Variants in MORC4 observed in about 807,000 individuals in gnomAD.
MORC4 encodes MORC family CW-type zinc finger protein 4.
In MORC4, 22 loss-of-function variants were observed where a neutral mutation model predicts 65.5. The observed-to-expected ratio is 0.34, with a 90% confidence interval of 0.24 to 0.48. MORC4 has a LOEUF of 0.48. MORC4 is among the 20% of genes least tolerant of loss of function. The probability of loss-of-function intolerance (pLI) is 0.99; values close to 1 mark genes in which losing one functional copy is unlikely to be tolerated. For synonymous variants in MORC4, 267 were observed against 255.8 expected, an observed-to-expected ratio of 1.04 and a Z score of -0.42; for missense variants, 624 against 703.0, an observed-to-expected ratio of 0.89 and a Z score of 1.27.
rs972640977 is a variant in MORC4 at position 106,946,619 on chromosome X, C to T, written c.1686-3414G>A. Among the ~76,000 whole-genome samples the T allele has an allele frequency of 3.6e-5, 4 of 112,048 alleles. No individual in the cohort carries two copies. In the Admixed American group the frequency reaches 3.8e-4, roughly 11 times the overall value. ...TAGCATACAAGTTTTTATATAGATA[C>T]GTTTTCCGTTTTCTTGGGTATAAAC... On this transcript the variant is annotated intron_variant, in intron 14 of 16. Transcript: ENST00000355610.
intron 14 of MORC4, among the ~76,000 whole-genome samples, chrX:106,943,834 T>G (rs1401276054): frequency 8.9e-6 from 1 of 112,615 alleles, no homozygotes; most frequent in Admixed American, 9.4e-5. Flanking sequence ...TTTCCCCTTG[T>G]GACAAAGAAT....
Position 106,999,907 on chromosome X carries a change from G to C in MORC4, c.63C>G (p.Pro21=), listed in dbSNP as rs1467924392. Residue 21 remains proline, a synonymous_variant, in exon 1 of 17, where the codon CCC becomes CCG. Transcript: ENST00000355610. ...PGAPGCGLAR[P]GGGPQAFGIR... is the part of the protein sequence containing the mutation. ...TCCCGAAGGCCTGCGGGCCGCCGCC[G>C]GGCCGGGCCAGCCCGCAGCCCGGCG... The C allele has an allele frequency of 1.5e-5, 12 of 825,844 alleles. No individual in the cohort carries two copies. The African/African-American group carries it at 2.7e-4, about 19-fold the overall frequency. The allele number at this position is 825,844 out of a possible 1,213,427, so 68.1% of individuals were successfully genotyped here.
At chrX:106,941,776 A>C in intron 16 of MORC4, 144 bp from the exon 17 acceptor site, 1 of 798,601 alleles carries the variant, frequency 1.3e-6, no homozygotes, top group South Asian at 2.7e-5. Context: ...CAACGCCACC[A>C]AGCACAGGGA....
rs756702098 is a variant in MORC4 at position 106,954,911 on chromosome X, A to G, written c.1685+2T>C. The G allele has an allele frequency of 8.3e-7, 1 of 1,204,925 alleles. No individual in the cohort carries two copies. Among genetic ancestry groups the G allele is most frequent in the South Asian group, 1.8e-5 (1 of 55,530 alleles). On this transcript the variant is annotated splice_donor_variant, in intron 14 of 16. Transcript: ENST00000355610. LOFTEE classifies it high-confidence loss of function. Reference sequence around the variant, plus strand: ...TGACAAGAGATCATGCTTTTTAGTCACCTGGAAAACTGTAAAACACTGGAA... The same window carrying G: ...TGACAAGAGATCATGCTTTTTAGTCGCCTGGAAAACTGTAAAACACTGGAA...
At chrX:106,947,846 C>G (rs964378875) in intron 14 of MORC4, among the ~76,000 whole-genome samples, 1 of 106,697 alleles carries the variant, frequency 9.4e-6, no homozygotes, top group Non-Finnish European at 1.9e-5. Context: ...ACAGACAGAA[C>G]TGTAGAGAGA....
intron 12 of MORC4, 151 bp downstream of exon 12, chrX:106,956,785 A>G: frequency 2.1e-6 from 1 of 479,809 alleles, no homozygotes; most frequent in Non-Finnish European, 3.6e-6. Flanking sequence ...GGAGATGATT[A>G]GAAGGAATAA....
Position 106,954,618 on chromosome X carries a change from A to T in MORC4, c.1685+295T>A, listed in dbSNP as rs189098532. Reference sequence around the variant, plus strand: ...TTGTGTAGTATTTTACACTTTTCAAATTTTGTCTATTATTTCACTTGCACA... The same window carrying T: ...TTGTGTAGTATTTTACACTTTTCAATTTTTGTCTATTATTTCACTTGCACA... On this transcript the variant is annotated intron_variant, in intron 14 of 16. Coordinates refer to ENST00000355610, the MANE Select transcript of MORC4 (RefSeq NM_024657.5). Among the ~76,000 whole-genome samples, 14 of 112,233 alleles carry T rather than the reference A, an allele frequency of 1.2e-4. No homozygotes were observed. In the East Asian group the frequency reaches 3.9e-3, roughly 31 times the overall value.
chrX:106,984,709 T>C (rs1039117624), intron 5 of MORC4, among the ~76,000 whole-genome samples: 12 of 108,902 alleles, frequency 1.1e-4, no homozygotes, highest in Non-Finnish European at 1.9e-4. Flanking sequence ...TCTCTCAACC[T>C]CATGATCTGC....
In MORC4 at chrX:106,973,892, G is replaced by T. The variant is rs143667286; in HGVS notation, c.1157+2692C>A. ...CAGCCCTGCCAACACCTCGATTATA[G>T]CCCAGTAAGATCTGTGTAGGACATC... On this transcript the variant is annotated intron_variant, in intron 9 of 16. Coordinates refer to ENST00000355610, the MANE Select transcript of MORC4 (RefSeq NM_024657.5). Among the ~76,000 whole-genome samples, 46 of 111,882 alleles carry T rather than the reference G, an allele frequency of 4.1e-4. No homozygotes were observed. In the East Asian group the frequency reaches 8.5e-3, roughly 21 times the overall value.
intron 2 of MORC4, among the ~76,000 whole-genome samples, chrX:106,994,666 A>G: frequency 8.9e-6 from 1 of 112,497 alleles, no homozygotes; most frequent in Admixed American, 9.4e-5. Flanking sequence ...TGGTATTGCC[A>G]GAGTCATTGA....
In MORC4 at chrX:106,999,739, CG is replaced by C; in HGVS notation, c.112del (p.Arg38AlafsTer21). The C allele has an allele frequency of 1.8e-6, 2 of 1,114,773 alleles. No homozygotes were observed. The highest frequency in any genetic ancestry group is 4.0e-5 in the East Asian group (1 of 25,134). 91.9% of individuals were successfully genotyped at this position (1,114,773 alleles called of 1,213,427 possible). ...FGIRLSTMSP[R>X]YLQSNSSSHT... Reference sequence around the variant, plus strand: ...GCTGCTGGAGTTGCTCTGGAGGTAGCGGGGGCTCATCTGGGGGCGAGAGAAG... The same window carrying C: ...GCTGCTGGAGTTGCTCTGGAGGTAGCGGGGCTCATCTGGGGGCGAGAGAAG... On this transcript the variant is annotated frameshift_variant, in exon 2 of 17. Coordinates refer to ENST00000355610, the MANE Select transcript of MORC4 (RefSeq NM_024657.5). LOFTEE classifies it high-confidence loss of function.
chrX:106,994,786 T>G (rs1935046468), intron 2 of MORC4, among the ~76,000 whole-genome samples: 1 of 111,312 alleles, frequency 9.0e-6, no homozygotes, highest in Admixed American at 9.5e-5. Flanking sequence ...TTTTTTTTCT[T>G]TTTTTTCATT....
At position 106,993,149 on chromosome X, in the gene MORC4, C is replaced by A. The variant is rs192972342; in HGVS notation, c.308+81G>T. 1,844 of 1,026,887 alleles carry A rather than the reference C, an allele frequency of 1.8e-3. 3 individuals carry two copies. The highest frequency in any genetic ancestry group is 3.4e-3 in the Admixed American group (116 of 34,452). The allele number at this position is 1,026,887 out of a possible 1,213,427, so 84.6% of individuals were successfully genotyped here. On this transcript the variant is annotated intron_variant, in intron 3 of 16. Coordinates refer to ENST00000355610, the MANE Select transcript of MORC4 (RefSeq NM_024657.5). ...ATTTGTTGAATGAACAAAAGGAAAG[C>A]AAAATATTAATGAAAATTATGAAGC...
chrX:106,958,188 T>C (rs755383070), intron 11 of MORC4, 148 bp downstream of exon 11: 9 of 469,149 alleles, frequency 1.9e-5, no homozygotes, highest in Admixed American at 1.6e-4. Flanking sequence ...TACCACGAAA[T>C]GTAAGGCTAG....
chrX:106,959,318 A>C (rs1435925679), intron 10 of MORC4, among the ~76,000 whole-genome samples: 4 of 111,390 alleles, frequency 3.6e-5, no homozygotes, highest in African/African-American at 1.3e-4. Flanking sequence ...GACAGGCTAC[A>C]GTGAGAATGA....
intron 7 of MORC4, 94 bp from the exon 8 acceptor site, chrX:106,978,293 G>A (rs756666700): frequency 3.2e-4 from 289 of 895,878 alleles, no homozygotes; most frequent in Middle Eastern, 8.5e-4. Context: ...AATACCAAGG[G>A]ACATAAATTG....
chrX:106,970,263 G>T (rs140275675), intron 9 of MORC4, among the ~76,000 whole-genome samples: 6 of 111,854 alleles, frequency 5.4e-5, no homozygotes, highest in African/African-American at 2.0e-4. Context: ...AAAAGCCTTC[G>T]ACAAAATTCA....
intron 14 of MORC4, among the ~76,000 whole-genome samples, chrX:106,952,219 T>C (rs7892533): frequency 0.06 from 6,618 of 110,348 alleles, 555 homozygotes; most frequent in African/African-American, 0.21. Context: ...TGTTAGACAA[T>C]TTCCTCATCG....
intron 9 of MORC4, among the ~76,000 whole-genome samples, chrX:106,975,676 C>T (rs1479522941): frequency 1.8e-5 from 2 of 111,123 alleles, no homozygotes; most frequent in African/African-American, 6.5e-5. Context: ...TTTCTCCATA[C>T]TCCCAGAATA....
Sources: allele counts gnomAD v4.1 joint callset (sites outside exome capture counted in the v4.1 genomes callset), GRCh38; gene constraint gnomAD v4.1.1; transcripts MANE v1.5; gene names NCBI Gene and HGNC (gene_info 2026-07-23, HGNC 2026-07-21).